Variants in RHOBTB2 observed in about 807,000 individuals in gnomAD.
RHOBTB2 encodes rho-related BTB domain-containing protein 2.
Under a neutral mutation model 66.5 loss-of-function variants are expected in RHOBTB2, and 39 were observed. The ratio of observed to expected loss-of-function variants is 0.59; its 90% CI spans 0.45 to 0.77. The LOEUF (loss-of-function observed/expected upper bound fraction) is 0.77. Among genes scored for constraint, RHOBTB2 ranks in the 30% least tolerant of loss-of-function variants. The pLI is 0.00. For missense variants in RHOBTB2, 755 were observed against 999.1 expected (o/e 0.76, Z 3.29); for synonymous variants, 390 against 395.0 (o/e 0.99, Z 0.15).
chr8:22,964,232 C>T, the RHOBTB2 span, among the ~76,000 whole-genome samples: 29 of 152,274 alleles, frequency 1.9e-4, no homozygotes, highest in Non-Finnish European at 3.7e-4. Flanking sequence ...CCTCCCACAA[C>T]ACGTGGGAAT....
In RHOBTB2 at chr8:23,004,342, TGAG is replaced by T; in HGVS notation, c.-10-79_-10-77del. ...GGGCTTGCAGAGGGGGCAGCCTGGC[TGAG>T]GAGAGCTGCGGGTGCTGGCCCTGGC... On this transcript the variant is annotated intron_variant, in intron 1 of 9. Coordinates refer to ENST00000251822, the MANE Select transcript of RHOBTB2 (RefSeq NM_015178.3). This position sits in a 1 kb window ranked among gnomAD's most constrained non-coding sequence, Gnocchi z 6.4. 8.3e-7 allele frequency: 1 copy of T among 1,201,922 alleles called. No homozygotes were observed. Among genetic ancestry groups the T allele is most frequent in the Admixed American group, 1.8e-5 (1 of 56,456 alleles). 74.5% of individuals were successfully genotyped at this position (1,201,922 alleles called of 1,614,324 possible). A position where few individuals can be genotyped will look rare whatever the true frequency, so the allele number is the denominator to read the frequency against.
At position 23,004,332 on chromosome 8, in the gene RHOBTB2, G is replaced by A. The variant is rs1381775082; in HGVS notation, c.-10-93G>A. The A allele has an allele frequency of 7.4e-6, 8 of 1,074,024 alleles. No homozygotes were observed. Among genetic ancestry groups the A allele is most frequent in the Non-Finnish European group, 9.9e-6 (7 of 707,168 alleles). 66.5% of individuals were successfully genotyped at this position (1,074,024 alleles called of 1,614,324 possible). A position where few individuals can be genotyped will look rare whatever the true frequency, so the allele number is the denominator to read the frequency against. Reference sequence around the variant, plus strand: ...GTCAGCTCCGGGGCTTGCAGAGGGGGCAGCCTGGCTGAGGAGAGCTGCGGG... The same window carrying A: ...GTCAGCTCCGGGGCTTGCAGAGGGGACAGCCTGGCTGAGGAGAGCTGCGGG... On this transcript the variant is annotated intron_variant, in intron 1 of 9. Transcript: ENST00000251822. This position sits in a 1 kb window ranked among gnomAD's most constrained non-coding sequence, Gnocchi z 6.4.
At chr8:22,981,819 G>A in the RHOBTB2 span, among the ~76,000 whole-genome samples, 2 of 152,330 alleles carry the variant, frequency 1.3e-5, no homozygotes, top group African/African-American at 4.8e-5. Context: ...TTCCAGACGA[G>A]TTTAGGGTCT....
rs941942793 is a variant in RHOBTB2, at chr8:23,019,487, G to A, written c.*2018G>A. 1 of 152,680 alleles carries A rather than the reference G, an allele frequency of 6.5e-6. No homozygotes were observed. The highest frequency in any genetic ancestry group is 2.4e-5 in the African/African-American group (1 of 41,472). 9.5% of individuals were successfully genotyped at this position (152,680 alleles called of 1,614,324 possible). On this transcript the variant is annotated 3_prime_UTR_variant, in exon 10 of 10. Coordinates refer to ENST00000251822, the MANE Select transcript of RHOBTB2 (RefSeq NM_015178.3). ...GCCCAGAAGCCCATGGGCAGGGCTG[G>A]GGGGACGAAGGGGGAACCCGGAGCA...
chr8:22,994,727 T>A (rs906464983), upstream of RHOBTB2: 36 of 1,036,576 alleles, frequency 3.5e-5, 1 homozygote, highest in South Asian at 5.0e-4. Flanking sequence ...AATTGTTTGT[T>A]GAAGCACTAG....
the RHOBTB2 span, among the ~76,000 whole-genome samples, chr8:22,954,543 T>G: frequency 2.0e-5 from 3 of 152,206 alleles, no homozygotes; most frequent in African/African-American, 7.2e-5. Context: ...GTGGTGACAT[T>G]TCAAGTGAAT....
In RHOBTB2 at chr8:23,015,637, G is replaced by T. The variant is rs780432337; in HGVS notation, c.1861-1G>T. ...CAGACGTTCTTCCCTTCTGTCCCCAGTTCCACTGTGCGTACCAGCTGGCCG... is the reference window on the plus strand; with the variant it reads ...CAGACGTTCTTCCCTTCTGTCCCCATTTCCACTGTGCGTACCAGCTGGCCG... On this transcript the variant is annotated splice_acceptor_variant, in intron 8 of 9. Transcript: ENST00000251822. LOFTEE classifies it high-confidence loss of function. The T allele has an allele frequency of 1.9e-6, 3 of 1,609,718 alleles. No homozygotes were observed. The highest frequency in any genetic ancestry group is 2.7e-5 in the African/African-American group (2 of 74,778).
Position 23,000,084 on chromosome 8 carries a change from C to T in RHOBTB2, c.-32C>T, listed in dbSNP as rs1276412920. 2 of 985,348 alleles carry T rather than the reference C, an allele frequency of 2.0e-6. No individual in the cohort carries two copies. Among genetic ancestry groups the T allele is most frequent in the African/African-American group, 3.5e-5 (2 of 57,240 alleles). 61.0% of individuals were successfully genotyped at this position (985,348 alleles called of 1,614,324 possible). A position where few individuals can be genotyped will look rare whatever the true frequency, so the allele number is the denominator to read the frequency against. ...AGAGATGTGTTCCTCACGCTAGAAG[C>T]CACCCCGTCACATGTAGTGGTGTAA... On this transcript the variant is annotated 5_prime_UTR_variant, in exon 1 of 10. Coordinates refer to ENST00000251822, the MANE Select transcript of RHOBTB2 (RefSeq NM_015178.3).
chr8:22,967,885 C>T, the RHOBTB2 span, among the ~76,000 whole-genome samples: 13 of 150,944 alleles, frequency 8.6e-5, no homozygotes, highest in South Asian at 2.7e-3. Flanking sequence ...GGCTGGGTGC[C>T]ATGGCTCACA....
intron 7 of RHOBTB2, among the ~76,000 whole-genome samples, chr8:23,011,246 T>C (rs1811138687): frequency 6.6e-6 from 1 of 152,176 alleles, no homozygotes; most frequent in South Asian, 2.1e-4. Context: ...AGAGTGAAAC[T>C]GTGTCTCAAA....
At chr8:22,992,929 C>T (rs1313501063) in intron 2 of RHOBTB2, among the ~76,000 whole-genome samples, 1 of 152,200 alleles carries the variant, frequency 6.6e-6, no homozygotes, top group Non-Finnish European at 1.5e-5. Flanking sequence ...AGGGACTAGG[C>T]GTAGCCTGGC....
Position 23,007,036 on chromosome 8 carries a change from T to C in RHOBTB2, c.791T>C (p.Leu264Pro). 1 of 1,609,174 alleles carries C rather than the reference T, an allele frequency of 6.2e-7. No homozygotes were observed. The highest frequency in any genetic ancestry group is 8.5e-7 in the Non-Finnish European group (1 of 1,179,108). The change falls in exon 5 of 10, where the codon CTC becomes CCC. Residue 264 changes from leucine (L) to proline (P), a missense_variant. Leu to Pro is a moderately conservative substitution (Grantham distance 98). Transcript: ENST00000251822. ...CCCGCCCACCTCCTGGAGGACCCGC[T>C]CTGCGCGGACGTCATCCTGGTGCTG... ...ECPAHLLEDP[L>P]CADVILVLQE... is the part of the protein sequence containing the mutation.
chr8:22,982,856 C>A (rs536766560), upstream of RHOBTB2, among the ~76,000 whole-genome samples: 1 of 152,162 alleles, frequency 6.6e-6, no homozygotes, highest in Non-Finnish European at 1.5e-5. Context: ...GACTCAGTGT[C>A]GGGTGAGGGC....
chr8:23,006,224 C>A lies in RHOBTB2; in HGVS notation c.482+79C>A. ...TCCCTGCTCAGCCCTGGGGGAATTCCACTGAGCCTCATATCTCTCCCTCCA... is the reference window on the plus strand; with the variant it reads ...TCCCTGCTCAGCCCTGGGGGAATTCAACTGAGCCTCATATCTCTCCCTCCA... On this transcript the variant is annotated intron_variant, in intron 4 of 9. Transcript: ENST00000251822. This position sits in a 1 kb window ranked among gnomAD's most constrained non-coding sequence, Gnocchi z 6.1. 3 of 1,232,444 alleles carry A rather than the reference C, an allele frequency of 2.4e-6. No homozygotes were observed. The highest frequency in any genetic ancestry group is 3.4e-6 in the Non-Finnish European group (3 of 874,128). The allele number at this position is 1,232,444 out of a possible 1,614,324, so 76.3% of individuals were successfully genotyped here.
chr8:22,951,314 C>G, the RHOBTB2 span, among the ~76,000 whole-genome samples: 1 of 133,494 alleles, frequency 7.5e-6, no homozygotes. Context: ...TGCAGTGGCG[C>G]GATCTCAGCT....
intron 6 of RHOBTB2, 53 bp from the exon 7 acceptor site, chr8:23,010,485 A>G: frequency 6.4e-7 from 1 of 1,572,220 alleles, no homozygotes; most frequent in Non-Finnish European, 8.7e-7. Context: ...GGTTCAGTTC[A>G]TCTTCTCCTA....
At position 23,006,851 on chromosome 8, in the gene RHOBTB2, C is replaced by A. The variant is rs201459750; in HGVS notation, c.606C>A (p.Asn202Lys). The A allele has an allele frequency of 6.2e-7, 1 of 1,614,154 alleles. No homozygotes were observed. Among genetic ancestry groups the A allele is most frequent in the South Asian group, 1.1e-5 (1 of 91,086 alleles). Residue 202 changes from asparagine to lysine, a missense_variant, in exon 5 of 10, where the codon AAC (asparagine) becomes AAA (lysine). Coordinates refer to ENST00000251822, the MANE Select transcript of RHOBTB2 (RefSeq NM_015178.3). This position sits in a 1 kb window ranked among gnomAD's most constrained non-coding sequence, Gnocchi z 6.1. ...TCGGCATCAAGGACGTCTTTGACAA[C>A]GCCATCCGAGCTGCACTCATCTCCC... is the stretch of plus-strand genomic sequence containing the variant. ...AQFGIKDVFD[N>K]AIRAALISRR...
chr8:22,954,947 C>T, the RHOBTB2 span, among the ~76,000 whole-genome samples: 1 of 152,150 alleles, frequency 6.6e-6, no homozygotes, highest in African/African-American at 2.4e-5. Context: ...GCCTAGCCAA[C>T]ATGGTGAAAC....
rs1416081303 is a variant in RHOBTB2 at position 23,015,757 on chromosome 8, CCAGTCCTGG to C, written c.1966+19_1966+27del. ...CCATGTCCCCAGGTGAGCATCGGGG[CCAGTCCTGG>C]CAGTACCTGCTGCCCTCCCCTTAGG... On this transcript the variant is annotated intron_variant, in intron 9 of 9. Transcript: ENST00000251822. 14 of 1,566,394 alleles carry C rather than the reference CCAGTCCTGG, an allele frequency of 8.9e-6. No homozygotes were observed. The Middle Eastern group carries it at 1.7e-3, about 186-fold the overall frequency.
Sources: allele counts gnomAD v4.1 joint callset (sites outside exome capture counted in the v4.1 genomes callset), GRCh38; gene constraint gnomAD v4.1.1; non-coding constraint Gnocchi (gnomAD v3.1); transcripts MANE v1.5; gene names NCBI Gene and HGNC (gene_info 2026-07-23, HGNC 2026-07-21).